Variants in COLGALT1 observed in about 807,000 individuals in gnomAD.
The protein encoded by COLGALT1 is collagen beta(1-O)galactosyltransferase 1.
A neutral mutation model predicts 60.8 loss-of-function variants in COLGALT1; 43 were observed. The observed-to-expected ratio is 0.71, with a 90% confidence interval of 0.55 to 0.91. The LOEUF is 0.91. COLGALT1 is among the 40% of genes least tolerant of loss of function. COLGALT1 has a pLI of 0.00. For synonymous variants in COLGALT1, 369 were observed against 374.2 expected, an observed-to-expected ratio of 0.99 and a Z score of 0.16; for missense variants, 845 against 880.0, an observed-to-expected ratio of 0.96 and a Z score of 0.50.
chr19:17,563,844 G>A lies in COLGALT1; in HGVS notation c.489+3379G>A, dbSNP rs570695960. Among the ~76,000 whole-genome samples, 3 of 152,160 alleles carry A rather than the reference G, an allele frequency of 2.0e-5. No homozygotes were observed. The East Asian group carries it at 5.8e-4, about 29-fold the overall frequency. On this transcript the variant is annotated intron_variant, in intron 3 of 11. Transcript: ENST00000252599. ...GACTTTGGAACCCATATTGGAATGTGAAATAGTTTGTCTAATGTTTTAAAA... is the reference window on the plus strand; with the variant it reads ...GACTTTGGAACCCATATTGGAATGTAAAATAGTTTGTCTAATGTTTTAAAA...
intron 4 of COLGALT1, 33 bp from the exon 5 acceptor site, chr19:17,568,476 C>T (rs2076292191): frequency 6.3e-7 from 1 of 1,575,646 alleles, no homozygotes; most frequent in South Asian, 1.1e-5. Context: ...CCTTTCAAGA[C>T]CCCTACGCGG....
At chr19:17,559,121 C>T (rs1231333372) in intron 1 of COLGALT1, among the ~76,000 whole-genome samples, 190 bp from the exon 2 acceptor site, 1 of 152,044 alleles carries the variant, frequency 6.6e-6, no homozygotes, top group Non-Finnish European at 1.5e-5. Flanking sequence ...GATCGCGCCA[C>T]TGCACTCCAG....
intron 10 of COLGALT1, 47 bp from the exon 11 acceptor site, chr19:17,580,652 C>T (rs201965182): frequency 1.9e-4 from 308 of 1,602,998 alleles, no homozygotes; most frequent in Non-Finnish European, 2.4e-4. Context: ...GGGCAAGCTC[C>T]CTCCGGAGGG....
intron 9 of COLGALT1, 145 bp downstream of exon 9, chr19:17,578,234 A>C: frequency 2.5e-6 from 2 of 800,554 alleles, no homozygotes; most frequent in Non-Finnish European, 3.6e-6. Context: ...TCTTTAGTGA[A>C]TGATGCGCCA....
intron 3 of COLGALT1, among the ~76,000 whole-genome samples, chr19:17,566,959 C>G (rs2076282752): frequency 6.6e-6 from 1 of 152,022 alleles, no homozygotes; most frequent in South Asian, 2.1e-4. Context: ...ATTAAAAATA[C>G]AAAAAGTTAC....
chr19:17,571,191 G>T (rs1713140039), intron 5 of COLGALT1, among the ~76,000 whole-genome samples: 1 of 152,046 alleles, frequency 6.6e-6, no homozygotes, highest in African/African-American at 2.4e-5. Flanking sequence ...GGTGAGGTGG[G>T]TGGATCACAT....
chr19:17,560,091 C>T (rs2076239028), intron 2 of COLGALT1, among the ~76,000 whole-genome samples: 1 of 152,148 alleles, frequency 6.6e-6, no homozygotes. Flanking sequence ...CACTGGACCC[C>T]ACTGAGCTTC....
chr19:17,566,605 G>C (rs1278243764), intron 3 of COLGALT1, among the ~76,000 whole-genome samples: 2 of 151,896 alleles, frequency 1.3e-5, no homozygotes, highest in African/African-American at 4.8e-5. Flanking sequence ...GCAATGTAGA[G>C]GGATCCTATC....
intron 6 of COLGALT1, 81 bp from the exon 7 acceptor site, chr19:17,577,114 A>T: frequency 7.1e-6 from 10 of 1,404,864 alleles, no homozygotes; most frequent in East Asian, 2.3e-5. Context: ...ACTGGGAGCC[A>T]TGGAGTGGGT....
At chr19:17,567,656 A>C in intron 4 of COLGALT1, 116 bp downstream of exon 4, 5 of 1,245,560 alleles carry the variant, frequency 4.0e-6, no homozygotes, top group Non-Finnish European at 5.5e-6. Flanking sequence ...ATCATCATGG[A>C]AGCTGGGCAC....
At position 17,567,401 on chromosome 19, in the gene COLGALT1, T is replaced by C; in HGVS notation, c.490-5T>C. 2 of 1,613,462 alleles carry C rather than the reference T, an allele frequency of 1.2e-6. No individual in the cohort carries two copies. The highest frequency in any genetic ancestry group is 1.6e-4 in the Middle Eastern group (1 of 6,062). On this transcript the variant is annotated splice_region_variant and splice_polypyrimidine_tract_variant and intron_variant, in intron 3 of 11. Transcript: ENST00000252599. ...CATGCTGATGCTTTGTGGGGTGTTC[T>C]GCAGTTTGTAGATGCGGACAACCTG... is the stretch of plus-strand genomic sequence containing the variant.
chr19:17,568,435 T>G, intron 4 of COLGALT1, 74 bp from the exon 5 acceptor site: 1 of 1,316,276 alleles, frequency 7.6e-7, no homozygotes, highest in Admixed American at 1.7e-5. Flanking sequence ...TCCTGTTTCA[T>G]GCCGCCCACT....
At chr19:17,559,597 C>G (rs567061572) in intron 2 of COLGALT1, among the ~76,000 whole-genome samples, 176 bp downstream of exon 2, 33 of 152,276 alleles carry the variant, frequency 2.2e-4, no homozygotes, top group African/African-American at 7.5e-4. Context: ...CCATAATCCT[C>G]TTCTCAGACC....
chr19:17,558,257 T>C (rs2076225646), intron 1 of COLGALT1, among the ~76,000 whole-genome samples: 2 of 151,134 alleles, frequency 1.3e-5, no homozygotes, highest in South Asian at 4.2e-4. Context: ...GTATTTTTAG[T>C]AGAGATGGGG....
intron 6 of COLGALT1, among the ~76,000 whole-genome samples, chr19:17,574,039 C>G (rs1457648055): frequency 6.6e-6 from 1 of 151,938 alleles, no homozygotes; most frequent in East Asian, 1.9e-4. Flanking sequence ...CAGCAGCCGT[C>G]CCTCTAAAAC....
At chr19:17,567,855 A>T (rs1273556793) in intron 4 of COLGALT1, among the ~76,000 whole-genome samples, 1 of 152,020 alleles carries the variant, frequency 6.6e-6, no homozygotes, top group Non-Finnish European at 1.5e-5. Context: ...AGGCTGAAGC[A>T]TGAGAATCAC....
rs75203420 is a variant in COLGALT1 at position 17,561,371 on chromosome 19, G to A, written c.489+906G>A. ...GCTGGGATTACAGGCATGGGCCACC[G>A]TGCCTGGCCGTGTCACGTCTGTTTT... On this transcript the variant is annotated intron_variant, in intron 3 of 11. Coordinates refer to ENST00000252599, the MANE Select transcript of COLGALT1 (RefSeq NM_024656.4). 1.3e-4 allele frequency among the ~76,000 whole-genome samples: 19 copies of A among 151,430 alleles called. No homozygotes were observed. The East Asian group carries it at 3.3e-3, about 27-fold the overall frequency.
chr19:17,569,442 TG>T (rs2076298983), intron 5 of COLGALT1, among the ~76,000 whole-genome samples: 1 of 145,054 alleles, frequency 6.9e-6, no homozygotes, highest in South Asian at 2.1e-4. Flanking sequence ...AATTTTCTTT[TG>T]TTTTTTTTTT....
chr19:17,566,988 G>A (rs531653757), intron 3 of COLGALT1, among the ~76,000 whole-genome samples: 1 of 152,098 alleles, frequency 6.6e-6, no homozygotes, highest in African/African-American at 2.4e-5. Context: ...GATGGTGCAC[G>A]GCTGTAGTCG....
Sources: gnomAD v4.1 joint callset for allele counts (sites outside exome capture counted in the v4.1 genomes callset) on GRCh38, gnomAD v4.1.1 for gene constraint, MANE v1.5 for transcripts, NCBI Gene and HGNC (gene_info 2026-07-23, HGNC 2026-07-21) for gene names.